CXCL12: variants seen among roughly 807,000 people sequenced by gnomAD.
CXCL12 encodes the protein stromal cell-derived factor 1.
A neutral mutation model predicts 10.7 loss-of-function variants in CXCL12; 4 were observed. The ratio of observed to expected loss-of-function variants is 0.37; its 90% CI spans 0.18 to 0.86. The LOEUF is 0.86. CXCL12 is among the 40% of genes least tolerant of loss of function. CXCL12 has a pLI of 0.43. For synonymous variants in CXCL12, 54 were observed against 45.4 expected (o/e 1.19, Z -0.77); for missense variants, 122 against 110.4 (o/e 1.10, Z -0.47).
chr10:44,377,178 C>T lies in CXCL12; in HGVS notation c.*1455G>A, dbSNP rs866005041. On this transcript the variant is annotated 3_prime_UTR_variant, in exon 3 of 3. Coordinates refer to ENST00000343575, the MANE Select transcript of CXCL12 (RefSeq NM_199168.4). Reference sequence around the variant, plus strand: ...TTTATTGCTAGTGCATATAATGTCACATTTGATACAATTTTAGTACAAGTG... The same window carrying T: ...TTTATTGCTAGTGCATATAATGTCATATTTGATACAATTTTAGTACAAGTG... 5.8e-5 allele frequency: 57 copies of T among 986,922 alleles called. No individual in the cohort carries two copies. In the African/African-American group the frequency reaches 7.8e-4, roughly 14 times the overall value. 61.1% of individuals were successfully genotyped at this position (986,922 alleles called of 1,614,324 possible).
At position 44,385,013 on chromosome 10, in the gene CXCL12, GC is replaced by G; in HGVS notation, c.-9del. ...CACGACCTTGGCGTTCATGGCGCGG[GC>G]GGGCGGGCGGGCGGGCGGACGAGCG... On this transcript the variant is annotated 5_prime_UTR_variant, in exon 1 of 3. Transcript: ENST00000343575. The G allele has an allele frequency of 7.0e-7, 1 of 1,429,198 alleles. No homozygotes were observed. Among genetic ancestry groups the G allele is most frequent in the South Asian group, 1.3e-5 (1 of 76,672 alleles). The allele number at this position is 1,429,198 out of a possible 1,614,324, so 88.5% of individuals were successfully genotyped here. A position where few individuals can be genotyped will look rare whatever the true frequency, so the allele number is the denominator to read the frequency against.
At chr10:44,376,031 C>T (rs200785547), downstream of CXCL12, 216 of 1,611,866 alleles carry the variant, frequency 1.3e-4, no homozygotes, top group Admixed American at 1.7e-4. Context: ...TCTCTGCGCC[C>T]CCTTAGATAA....
At chr10:44,375,141 A>C (rs962976638), downstream of CXCL12, among the ~76,000 whole-genome samples, 14 of 152,208 alleles carry the variant, frequency 9.2e-5, no homozygotes, top group Non-Finnish European at 1.8e-4. Flanking sequence ...GTTCCATAGC[A>C]CATCTGTCCT....
At chr10:44,378,846 C>A in intron 2 of CXCL12, 123 bp from the exon 3 acceptor site, 2 of 960,870 alleles carry the variant, frequency 2.1e-6, no homozygotes, top group East Asian at 2.5e-5. Flanking sequence ...CCACTTGGTA[C>A]GCTCAGGCTC....
downstream of CXCL12, among the ~76,000 whole-genome samples, chr10:44,375,618 T>TG (rs1297990522): frequency 6.6e-6 from 1 of 152,186 alleles, no homozygotes; most frequent in Non-Finnish European, 1.5e-5. Flanking sequence ...GAGGGCGGGC[T>TG]GGGGGGCTCA....
downstream of CXCL12, chr10:44,373,414 A>C: frequency 7.2e-7 from 1 of 1,387,086 alleles, no homozygotes; most frequent in Non-Finnish European, 1.0e-6. Context: ...CCAGAAGGAC[A>C]GCGGCCTGCG....
Position 44,378,630 on chromosome 10 carries a change from T to G in CXCL12, c.*3A>C. On this transcript the variant is annotated 3_prime_UTR_variant, in exon 3 of 3. Transcript: ENST00000343575. ...AGCGGAAAGTCCTTTTTGGCTGTTG[T>G]GCTTACTTGTTTAAAGCTTTCTCCA... is the stretch of plus-strand genomic sequence containing the variant. 3 of 1,614,200 alleles carry G rather than the reference T, an allele frequency of 1.9e-6. No individual in the cohort carries two copies. The highest frequency in any genetic ancestry group is 2.5e-6 in the Non-Finnish European group (3 of 1,180,030).
At position 44,378,293 on chromosome 10, in the gene CXCL12, AATG is replaced by A. The variant is rs1157670917; in HGVS notation, c.*337_*339del. 5 of 1,472,148 alleles carry A rather than the reference AATG, an allele frequency of 3.4e-6. No individual in the cohort carries two copies. In the African/African-American group the frequency reaches 6.9e-5, roughly 20 times the overall value. The allele number at this position is 1,472,148 out of a possible 1,614,324, so 91.2% of individuals were successfully genotyped here. On this transcript the variant is annotated 3_prime_UTR_variant, in exon 3 of 3. Transcript: ENST00000343575. ...CGTTGATTTAAAAAATGAGAATGAG[AATG>A]ATGATGATTGTGATGATCATGAAGG... is the stretch of plus-strand genomic sequence containing the variant.
Position 44,378,157 on chromosome 10 carries a change from G to C in CXCL12, c.*476C>G. 7.0e-7 allele frequency: 1 copy of C among 1,430,114 alleles called. No homozygotes were observed. Among genetic ancestry groups the C allele is most frequent in the Non-Finnish European group, 9.2e-7 (1 of 1,092,700 alleles). 88.6% of individuals were successfully genotyped at this position (1,430,114 alleles called of 1,614,324 possible). On this transcript the variant is annotated 3_prime_UTR_variant, in exon 3 of 3. Coordinates refer to ENST00000343575, the MANE Select transcript of CXCL12 (RefSeq NM_199168.4). The stretch of plus-strand genomic sequence containing the variant: ...TGCTGCGGGAGCCTCAGTGTCTGAA[G>C]AAAGGACACTTTTTCCAGCTCCCTG...
At chr10:44,381,549 T>C (rs1447963364) in intron 1 of CXCL12, among the ~76,000 whole-genome samples, 1 of 152,276 alleles carries the variant, frequency 6.6e-6, no homozygotes, top group African/African-American at 2.4e-5. Context: ...TGGAGTTAAA[T>C]GTGGTTTTCA....
downstream of CXCL12, chr10:44,372,832 G>T: frequency 4.0e-6 from 6 of 1,503,236 alleles, no homozygotes; most frequent in South Asian, 3.8e-5. Flanking sequence ...GATGGAGAAG[G>T]GGGTGAGCCT....
chr10:44,378,049 G>A lies in CXCL12; in HGVS notation c.*584C>T, dbSNP rs1049615332. ...GCCCACAGAGCCAATCACTGAGGTT[G>A]AAAGAGGAGGTGAAGGCAGTGGCGG... On this transcript the variant is annotated 3_prime_UTR_variant, in exon 3 of 3. Transcript: ENST00000343575. The A allele has an allele frequency of 6.8e-7, 1 of 1,478,848 alleles. No individual in the cohort carries two copies. The highest frequency in any genetic ancestry group is 2.7e-5 in the Admixed American group (1 of 36,894). The allele number at this position is 1,478,848 out of a possible 1,614,324, so 91.6% of individuals were successfully genotyped here.
chr10:44,381,645 T>C (rs1037688898), intron 1 of CXCL12, among the ~76,000 whole-genome samples: 12 of 152,236 alleles, frequency 7.9e-5, no homozygotes, highest in Non-Finnish European at 1.0e-4. Flanking sequence ...TAATTGACAC[T>C]CATTAGTGTA....
chr10:44,370,297 T>C (rs906328437), exon 4 of CXCL12: 14 of 152,604 alleles, frequency 9.2e-5, no homozygotes, highest in Non-Finnish European at 1.9e-4. Context: ...ACGCTGCGTA[T>C]AGGAATTGGC....
At chr10:44,375,394 G>A (rs531357954), downstream of CXCL12, among the ~76,000 whole-genome samples, 1 of 152,194 alleles carries the variant, frequency 6.6e-6, no homozygotes, top group Non-Finnish European at 1.5e-5. Flanking sequence ...TTTGGAAAAA[G>A]CCAGGGCCCA....
Position 44,384,868 on chromosome 10 carries a change from A to T in CXCL12, c.61+77T>A, listed in dbSNP as rs781284117. 3.5e-6 allele frequency: 5 copies of T among 1,416,282 alleles called. No individual in the cohort carries two copies. The African/African-American group carries it at 4.4e-5, about 13-fold the overall frequency. 87.7% of individuals were successfully genotyped at this position (1,416,282 alleles called of 1,614,324 possible). A position where few individuals can be genotyped will look rare whatever the true frequency, so the allele number is the denominator to read the frequency against. The stretch of plus-strand genomic sequence containing the variant: ...GGCGGCGCAAACTGCGGGCGCAGGC[A>T]GAGGAGCCGCGGCTCTGCGCCGGGC... On this transcript the variant is annotated intron_variant, in intron 1 of 2. Transcript: ENST00000343575.
rs897271278 is a variant in CXCL12 at position 44,378,469 on chromosome 10, C to T, written c.*164G>A. The T allele has an allele frequency of 2.3e-5, 36 of 1,535,534 alleles. No individual in the cohort carries two copies. In the African/African-American group the frequency reaches 4.9e-4, roughly 21 times the overall value. On this transcript the variant is annotated 3_prime_UTR_variant, in exon 3 of 3. Transcript: ENST00000343575. ...ATGCTATAAATGCAGGGTCTAAATG[C>T]TGGCAAACCTCAGGCCCGATCCCAG...
rs1485206826 is a variant in CXCL12 at position 44,377,354 on chromosome 10, CTATAAA to C, written c.*1273_*1278del. The C allele has an allele frequency of 9.4e-7, 1 of 1,062,524 alleles. No homozygotes were observed. The highest frequency in any genetic ancestry group is 1.1e-6 in the Non-Finnish European group (1 of 876,646). The allele number at this position is 1,062,524 out of a possible 1,614,324, so 65.8% of individuals were successfully genotyped here. The stretch of plus-strand genomic sequence containing the variant: ...CACTTCAAATATATGAATTGTTCGA[CTATAAA>C]TATATTTTGAAATACATTTGTTTTC... On this transcript the variant is annotated 3_prime_UTR_variant, in exon 3 of 3. Transcript: ENST00000343575.
downstream of CXCL12, chr10:44,372,479 G>A (rs149703333): frequency 9.1e-6 from 3 of 329,156 alleles, no homozygotes; most frequent in Non-Finnish European, 9.5e-6. Flanking sequence ...TCACAGAGGA[G>A]GACGCTGGCT....
Sources: allele counts gnomAD v4.1 joint callset (sites outside exome capture counted in the v4.1 genomes callset), GRCh38; gene constraint gnomAD v4.1.1; transcripts MANE v1.5; gene names NCBI Gene and HGNC (gene_info 2026-07-23, HGNC 2026-07-21).